WSCD2: variants seen among roughly 807,000 people sequenced by gnomAD.
WSCD2 encodes the protein sialate:O-sulfotransferase 2.
A neutral mutation model predicts 55.7 loss-of-function variants in WSCD2; 28 were observed. The observed-to-expected ratio is 0.50, with a 90% confidence interval of 0.37 to 0.69. WSCD2 has a LOEUF of 0.69. Ranked by LOEUF, WSCD2 falls within the 30% of genes least tolerant of loss-of-function variation. The pLI is 0.00. For missense variants in WSCD2, 616 were observed against 762.1 expected (o/e 0.81, Z 2.26); for synonymous variants, 301 against 301.9 (o/e 1.00, Z 0.03).
At position 108,240,337 on chromosome 12, in the gene WSCD2, C is replaced by A. The variant is rs532473224; in HGVS notation, c.1145-7C>A. The A allele has an allele frequency of 4.3e-6, 7 of 1,613,618 alleles. No homozygotes were observed. Among genetic ancestry groups the A allele is most frequent in the East Asian group, 2.2e-5 (1 of 44,872 alleles). On this transcript the variant is annotated splice_polypyrimidine_tract_variant and splice_region_variant and intron_variant, in intron 7 of 8. Coordinates refer to ENST00000547525, the MANE Select transcript of WSCD2 (RefSeq NM_014653.4). ...CAGTCCTGTTCCTCACCTCTGGCTG[C>A]GGGAAGGGTTTAAAGGTGAGCGGGA...
At chr12:108,168,591 T>C (rs1229953751) in intron 1 of WSCD2, among the ~76,000 whole-genome samples, 1 of 152,234 alleles carries the variant, frequency 6.6e-6, no homozygotes, top group Non-Finnish European at 1.5e-5. Context: ...CTCAGTTTCC[T>C]TGTCTGTCAA....
chr12:108,180,059 A>T (rs1007869899), intron 1 of WSCD2, among the ~76,000 whole-genome samples: 1 of 151,514 alleles, frequency 6.6e-6, no homozygotes. Context: ...ACAAAAAAAA[A>T]AAAAAAAAGA....
intron 8 of WSCD2, among the ~76,000 whole-genome samples, chr12:108,242,323 G>A (rs1350749398): frequency 6.6e-6 from 1 of 152,206 alleles, no homozygotes; most frequent in African/African-American, 2.4e-5. Context: ...GGTGACATTT[G>A]TCCAGTTATT....
At chr12:108,202,789 C>A (rs1382844799) in intron 2 of WSCD2, among the ~76,000 whole-genome samples, 1 of 152,134 alleles carries the variant, frequency 6.6e-6, no homozygotes, top group Non-Finnish European at 1.5e-5. Context: ...ATAATTTGTA[C>A]AACAAACCTC....
chr12:108,187,072 A>G (rs929245562), intron 1 of WSCD2, among the ~76,000 whole-genome samples: 2 of 152,194 alleles, frequency 1.3e-5, no homozygotes, highest in African/African-American at 4.8e-5. Context: ...AGTCTAAGTG[A>G]TCAGCAAAGA....
intron 1 of WSCD2, among the ~76,000 whole-genome samples, chr12:108,159,323 C>T (rs538991568): frequency 1.3e-5 from 2 of 152,338 alleles, no homozygotes; most frequent in East Asian, 3.9e-4. Context: ...ACACCATACT[C>T]AGTCCTAAGC....
chr12:108,154,513 T>C (rs7298364), intron 1 of WSCD2, among the ~76,000 whole-genome samples: 119,515 of 152,074 alleles, frequency 0.79, 47,425 homozygotes, highest in East Asian at 0.91. Context: ...CTCCCCTTCT[T>C]AAGATTCCTA....
intron 4 of WSCD2, among the ~76,000 whole-genome samples, chr12:108,211,960 G>C (rs1284434023): frequency 6.6e-6 from 1 of 151,820 alleles, no homozygotes; most frequent in Non-Finnish European, 1.5e-5. Flanking sequence ...ACCACACCCA[G>C]CCTCAAATCC....
intron 2 of WSCD2, among the ~76,000 whole-genome samples, chr12:108,200,096 A>G (rs1422092440): frequency 1.3e-5 from 2 of 152,136 alleles, no homozygotes; most frequent in African/African-American, 4.8e-5. Flanking sequence ...TTTCCATGAG[A>G]TTACAGAGAG....
chr12:108,153,641 C>A lies in WSCD2; in HGVS notation c.-552+23715C>A, dbSNP rs184533538. 4.6e-5 allele frequency among the ~76,000 whole-genome samples: 7 copies of A among 152,332 alleles called. No individual in the cohort carries two copies. The East Asian group carries it at 1.4e-3, about 29-fold the overall frequency. ...GTGCAGAAACCTAGAAAAATTAGCT[C>A]TATGGAGAGGGTCACCTGCAGTGCC... is the stretch of plus-strand genomic sequence containing the variant. On this transcript the variant is annotated intron_variant, in intron 1 of 8. Transcript: ENST00000547525.
At chr12:108,166,893 C>A (rs1879723389) in intron 1 of WSCD2, among the ~76,000 whole-genome samples, 1 of 150,434 alleles carries the variant, frequency 6.6e-6, no homozygotes, top group African/African-American at 2.5e-5. Context: ...CTCACTGCAA[C>A]CTCCGCCTCC....
At chr12:108,188,203 G>A (rs1481760947) in intron 1 of WSCD2, among the ~76,000 whole-genome samples, 4 of 152,140 alleles carry the variant, frequency 2.6e-5, no homozygotes, top group African/African-American at 9.7e-5. Context: ...TGCTGAGTGA[G>A]TTTCCTTCCT....
At chr12:108,227,287 C>A in intron 6 of WSCD2, 123 bp downstream of exon 6, 1 of 1,189,452 alleles carries the variant, frequency 8.4e-7, no homozygotes. Context: ...AGCCAGAGGG[C>A]AGGGCTGATG....
At chr12:108,238,995 A>C (rs1889493415) in intron 7 of WSCD2, among the ~76,000 whole-genome samples, 1 of 152,234 alleles carries the variant, frequency 6.6e-6, no homozygotes, top group South Asian at 2.1e-4. Flanking sequence ...TAAAGGGCTT[A>C]GACTAGTCTC....
chr12:108,233,689 G>C (rs1889008774), intron 7 of WSCD2, among the ~76,000 whole-genome samples: 1 of 152,186 alleles, frequency 6.6e-6, no homozygotes, highest in African/African-American at 2.4e-5. Flanking sequence ...TTGCATTCTA[G>C]TGTTTCCCAG....
chr12:108,209,321 C>T (rs1016927109), intron 3 of WSCD2, among the ~76,000 whole-genome samples: 1 of 152,118 alleles, frequency 6.6e-6, no homozygotes, highest in Non-Finnish European at 1.5e-5. Flanking sequence ...GTGCCTCTTC[C>T]CCTCACCCTA....
At chr12:108,141,949 CA>C (rs1169334869) in intron 1 of WSCD2, among the ~76,000 whole-genome samples, 1 of 152,162 alleles carries the variant, frequency 6.6e-6, no homozygotes, top group Non-Finnish European at 1.5e-5. Context: ...GAAATCCCTG[CA>C]AAGAGCAGAG....
Position 108,169,880 on chromosome 12 carries a change from T to TA in WSCD2, c.-551-25400dup, listed in dbSNP as rs141493437. 6.0e-3 allele frequency among the ~76,000 whole-genome samples: 918 copies of TA among 152,248 alleles called. 7 individuals are homozygous for TA. Among genetic ancestry groups the TA allele is most frequent in the African/African-American group, 0.021 (870 of 41,524 alleles). The stretch of plus-strand genomic sequence containing the variant: ...GTAAATTTTGTTGGCAGTGTTGATA[T>TA]AACACCCCAAACAAGGTCCTCACTA... On this transcript the variant is annotated intron_variant, in intron 1 of 8. Transcript: ENST00000547525.
At chr12:108,243,473 A>G (rs1157656824) in intron 8 of WSCD2, among the ~76,000 whole-genome samples, 1 of 152,148 alleles carries the variant, frequency 6.6e-6, no homozygotes, top group Non-Finnish European at 1.5e-5. Context: ...TGACCTCGTG[A>G]TCCACCTGCC....
Sources: gnomAD v4.1 joint callset for allele counts (sites outside exome capture counted in the v4.1 genomes callset) on GRCh38, gnomAD v4.1.1 for gene constraint, MANE v1.5 for transcripts, NCBI Gene and HGNC (gene_info 2026-07-23, HGNC 2026-07-21) for gene names.